Variants in UNC5D observed in about 807,000 individuals in gnomAD.
The protein encoded by UNC5D is netrin receptor UNC5D.
A neutral mutation model predicts 105.4 loss-of-function variants in UNC5D; 39 were observed. That is an observed-to-expected ratio of 0.37 (90% CI 0.29 to 0.48). The LOEUF (loss-of-function observed/expected upper bound fraction) is 0.48. UNC5D is among the 20% of genes least tolerant of loss of function. The pLI, the probability that UNC5D is intolerant of heterozygous loss-of-function variation, is 0.98. For synonymous variants in UNC5D, 452 were observed against 450.4 expected (o/e 1.00, Z -0.04); for missense variants, 991 against 1,202.4 (o/e 0.82, Z 2.60).
chr8:35,354,712 A>ACTC (rs1437079024), intron 1 of UNC5D, among the ~76,000 whole-genome samples: 3 of 152,014 alleles, frequency 2.0e-5, no homozygotes, highest in South Asian at 2.1e-4. Context: ...GCATTAAAAA[A>ACTC]CTCAAAACCT....
Position 35,406,664 on chromosome 8 carries a change from C to T in UNC5D, c.104-142628C>T, listed in dbSNP as rs185998198. ...GGAGGGAAAATAAACAGGAAGTTCT[C>T]CCTTTCCTTTTAAGGGCTTCCCTGG... On this transcript the variant is annotated intron_variant, in intron 1 of 16. Coordinates refer to ENST00000404895, the MANE Select transcript of UNC5D (RefSeq NM_080872.4). Among the ~76,000 whole-genome samples, 1,153 of 152,224 alleles carry T rather than the reference C, an allele frequency of 7.6e-3. 24 individuals are homozygous for T. The highest frequency in any genetic ancestry group is 0.01 in the Non-Finnish European group (688 of 67,996).
chr8:35,297,211 T>C (rs888727578), intron 1 of UNC5D, among the ~76,000 whole-genome samples: 1 of 152,170 alleles, frequency 6.6e-6, no homozygotes, highest in Non-Finnish European at 1.5e-5. Flanking sequence ...GTTTTATATC[T>C]CTCACTTTCC....
chr8:35,488,201 A>T (rs1017722283), intron 1 of UNC5D, among the ~76,000 whole-genome samples: 14 of 152,186 alleles, frequency 9.2e-5, no homozygotes, highest in Non-Finnish European at 1.8e-4. Context: ...TAACCCATGG[A>T]TACAATCAGC....
intron 13 of UNC5D, among the ~76,000 whole-genome samples, chr8:35,751,214 A>G (rs933832160): frequency 6.6e-6 from 1 of 152,156 alleles, no homozygotes; most frequent in African/African-American, 2.4e-5. Flanking sequence ...CGGGGCCACA[A>G]GATAGATGAG....
chr8:35,676,865 T>C (rs1825266347), intron 4 of UNC5D, among the ~76,000 whole-genome samples: 1 of 151,736 alleles, frequency 6.6e-6, no homozygotes, highest in South Asian at 2.1e-4. Context: ...GTGGTTTTTG[T>C]GGACGAGGGG....
chr8:35,338,926 G>T (rs569067489), intron 1 of UNC5D, among the ~76,000 whole-genome samples: 1 of 151,684 alleles, frequency 6.6e-6, no homozygotes, highest in Non-Finnish European at 1.5e-5. Flanking sequence ...AAGCCTGTAT[G>T]TACCTTGGGG....
intron 1 of UNC5D, among the ~76,000 whole-genome samples, chr8:35,331,416 C>T (rs79806371): frequency 6.6e-6 from 1 of 152,158 alleles, no homozygotes; most frequent in Non-Finnish European, 1.5e-5. Flanking sequence ...TGCTCAAACC[C>T]AGCACACAGC....
chr8:35,376,447 A>G (rs1321219686), intron 1 of UNC5D, among the ~76,000 whole-genome samples: 1 of 152,154 alleles, frequency 6.6e-6, no homozygotes, highest in African/African-American at 2.4e-5. Flanking sequence ...GAGTGAGTAA[A>G]CAGTGTAAAT....
intron 16 of UNC5D, among the ~76,000 whole-genome samples, chr8:35,782,102 T>C (rs1268278906): frequency 1.3e-5 from 2 of 152,192 alleles, no homozygotes; most frequent in Admixed American, 1.3e-4. Context: ...TGCTCATCTC[T>C]TGCTTAGTCT....
At chr8:35,348,404 G>C (rs896132398) in intron 1 of UNC5D, among the ~76,000 whole-genome samples, 6 of 151,708 alleles carry the variant, frequency 4.0e-5, no homozygotes, top group African/African-American at 1.2e-4. Context: ...AAGTCTGTTG[G>C]GGAGTACAGG....
At chr8:35,728,831 C>T (rs1402448394) in intron 10 of UNC5D, among the ~76,000 whole-genome samples, 1 of 152,160 alleles carries the variant, frequency 6.6e-6, no homozygotes, top group Non-Finnish European at 1.5e-5. Flanking sequence ...AAATAAAAGG[C>T]TGTCAGGGTA....
At chr8:35,726,817 C>CT (rs1376959037) in intron 10 of UNC5D, 1 of 407,724 alleles carries the variant, frequency 2.5e-6, no homozygotes, top group Non-Finnish European at 4.4e-6. Context: ...CTTTAAGCCC[C>CT]TTTGGAGTAT....
At chr8:35,694,108 A>G (rs1826593018) in intron 7 of UNC5D, among the ~76,000 whole-genome samples, 1 of 152,186 alleles carries the variant, frequency 6.6e-6, no homozygotes, top group African/African-American at 2.4e-5. Flanking sequence ...ACCCATTAGG[A>G]AGCTTAAAAA....
chr8:35,548,918 A>G (rs2130683270), intron 1 of UNC5D, among the ~76,000 whole-genome samples: 1 of 152,288 alleles, frequency 6.6e-6, no homozygotes, highest in East Asian at 1.9e-4. Flanking sequence ...ACCATTTTTC[A>G]AAATTTTGAA....
rs964192672 is a variant in UNC5D at position 35,432,202 on chromosome 8, G to A, written c.104-117090G>A. Among the ~76,000 whole-genome samples, 4 of 151,976 alleles carry A rather than the reference G, an allele frequency of 2.6e-5. No individual in the cohort carries two copies. The East Asian group carries it at 5.8e-4, about 22-fold the overall frequency. ...ATGCCACTTACATCGTAATATTATC[G>A]TGAGGATCAAACAACTTTAGCTGGG... On this transcript the variant is annotated intron_variant, in intron 1 of 16. Transcript: ENST00000404895.
intron 1 of UNC5D, among the ~76,000 whole-genome samples, chr8:35,469,022 T>C (rs914117401): frequency 1.3e-5 from 2 of 151,826 alleles, no homozygotes; most frequent in African/African-American, 2.4e-5. Flanking sequence ...GAGGTGGGAG[T>C]TGGAGAGGGT....
At chr8:35,749,122 G>T (rs1010248576) in intron 12 of UNC5D, among the ~76,000 whole-genome samples, 1 of 152,068 alleles carries the variant, frequency 6.6e-6, no homozygotes, top group Non-Finnish European at 1.5e-5. Context: ...GGATTCTAAG[G>T]TATCTATGTT....
intron 1 of UNC5D, among the ~76,000 whole-genome samples, chr8:35,347,287 AG>A (rs2128907251): frequency 6.6e-6 from 1 of 152,080 alleles, no homozygotes; most frequent in South Asian, 2.1e-4. Context: ...TGGGCTTTGT[AG>A]GGTGTGTATT....
At chr8:35,458,136 G>A (rs1224876939) in intron 1 of UNC5D, among the ~76,000 whole-genome samples, 3 of 152,194 alleles carry the variant, frequency 2.0e-5, no homozygotes, top group African/African-American at 7.2e-5. Context: ...AAGAATCCTC[G>A]CTCTTTCGGA....
Sources: gnomAD v4.1 joint callset for allele counts (sites outside exome capture counted in the v4.1 genomes callset) on GRCh38, gnomAD v4.1.1 for gene constraint, MANE v1.5 for transcripts, NCBI Gene and HGNC (gene_info 2026-07-23, HGNC 2026-07-21) for gene names.